The following GRM7 variants were observed in gnomAD, a reference collection of about 807,000 sequenced individuals.
GRM7 encodes metabotropic glutamate receptor 7.
Under a neutral mutation model 84.5 loss-of-function variants are expected in GRM7, and 35 were observed. That is an observed-to-expected ratio of 0.41 (90% CI 0.32 to 0.55). GRM7 has a LOEUF of 0.55. GRM7 is among the 20% of genes least tolerant of loss of function. The probability of loss-of-function intolerance (pLI) is 0.19; values close to 1 mark genes in which losing one functional copy is unlikely to be tolerated. For synonymous variants in GRM7, 487 were observed against 455.1 expected (o/e 1.07, Z -0.89); for missense variants, 1,003 against 1,194.6 (o/e 0.84, Z 2.36).
intron 1 of GRM7, among the ~76,000 whole-genome samples, chr3:7,139,108 ATATACTATATAT>A (rs1269188565): frequency 6.8e-6 from 1 of 147,664 alleles, no homozygotes; most frequent in Non-Finnish European, 1.5e-5. Context: ...CTATAATATA[ATATACTATATAT>A]TATACTATAT....
intron 1 of GRM7, among the ~76,000 whole-genome samples, chr3:6,967,571 A>G (rs1693574088): frequency 6.6e-6 from 1 of 152,222 alleles, no homozygotes; most frequent in Non-Finnish European, 1.5e-5. Flanking sequence ...AGTTGGGATG[A>G]GTTTATGTAA....
intron 9 of GRM7, among the ~76,000 whole-genome samples, chr3:7,710,962 T>A (rs1701558137): frequency 6.6e-6 from 1 of 152,178 alleles, no homozygotes; most frequent in Non-Finnish European, 1.5e-5. Flanking sequence ...TCTCTGATCT[T>A]AACTGCCTAA....
chr3:7,448,722 C>G (rs1017282664), intron 5 of GRM7, among the ~76,000 whole-genome samples: 3 of 151,906 alleles, frequency 2.0e-5, no homozygotes, highest in African/African-American at 4.8e-5. Context: ...CTTCTCAGAG[C>G]CTTTAATATG....
chr3:7,365,647 G>GTGTATA (rs1490998013), intron 4 of GRM7, among the ~76,000 whole-genome samples: 2 of 130,056 alleles, frequency 1.5e-5, no homozygotes, highest in African/African-American at 5.6e-5. Context: ...GTGCGTGTGT[G>GTGTATA]TATATATATA....
chr3:7,037,577 A>G (rs1167191504), intron 1 of GRM7, among the ~76,000 whole-genome samples: 3 of 152,176 alleles, frequency 2.0e-5, no homozygotes, highest in Admixed American at 1.3e-4. Flanking sequence ...GTGCTTTTCT[A>G]CAGAGATATA....
chr3:7,256,000 C>G (rs1390806209), intron 2 of GRM7, among the ~76,000 whole-genome samples: 1 of 152,154 alleles, frequency 6.6e-6, no homozygotes, highest in Non-Finnish European at 1.5e-5. Flanking sequence ...GCCCACAGTC[C>G]TGAGGCAAAT....
intron 1 of GRM7, among the ~76,000 whole-genome samples, chr3:7,074,374 T>A (rs1419006887): frequency 1.3e-5 from 2 of 152,162 alleles, no homozygotes; most frequent in African/African-American, 4.8e-5. Flanking sequence ...GAGACAGGAA[T>A]GGAAACATTC....
chr3:6,963,512 CA>C (rs1404851003), intron 1 of GRM7, among the ~76,000 whole-genome samples: 1 of 152,154 alleles, frequency 6.6e-6, no homozygotes, highest in Non-Finnish European at 1.5e-5. Context: ...GTAGTCCCAG[CA>C]ACTTTGGGGG....
At chr3:7,112,014 TTGA>T (rs1692870061) in intron 1 of GRM7, among the ~76,000 whole-genome samples, 1 of 152,056 alleles carries the variant, frequency 6.6e-6, no homozygotes, top group East Asian at 1.9e-4. Context: ...AAGGCAATAA[TTGA>T]TGAAGTTGGA....
chr3:7,146,069 A>C (rs955689438), intron 1 of GRM7, among the ~76,000 whole-genome samples: 1 of 152,180 alleles, frequency 6.6e-6, no homozygotes, highest in Admixed American at 6.5e-5. Context: ...ACCAATCTTT[A>C]TATACACTCC....
At chr3:7,147,529 C>A (rs1574960954) in intron 2 of GRM7, among the ~76,000 whole-genome samples, 1 of 152,132 alleles carries the variant, frequency 6.6e-6, no homozygotes, top group East Asian at 1.9e-4. Context: ...TAAAAGCAAA[C>A]AAACAAGCAA....
At chr3:7,275,514 C>T (rs1382991281) in intron 2 of GRM7, among the ~76,000 whole-genome samples, 2 of 152,110 alleles carry the variant, frequency 1.3e-5, no homozygotes, top group African/African-American at 4.8e-5. Flanking sequence ...TTCATGCATA[C>T]CTCTCCATTA....
intron 2 of GRM7, among the ~76,000 whole-genome samples, chr3:7,247,389 T>A (rs1387340522): frequency 6.6e-6 from 1 of 151,596 alleles, no homozygotes; most frequent in Non-Finnish European, 1.5e-5. Context: ...TTGGGCAAAA[T>A]GTGAGACCCC....
At chr3:7,422,529 G>A (rs574765688) in intron 5 of GRM7, among the ~76,000 whole-genome samples, 67 of 152,198 alleles carry the variant, frequency 4.4e-4, no homozygotes, top group African/African-American at 1.5e-3. Flanking sequence ...TACATATCCC[G>A]TTAGTTTCTC....
intron 4 of GRM7, among the ~76,000 whole-genome samples, chr3:7,351,382 A>G (rs1268348723): frequency 6.7e-6 from 1 of 148,314 alleles, no homozygotes; most frequent in Non-Finnish European, 1.5e-5. Flanking sequence ...TTATAAACTG[A>G]CCCAACCCTC....
intron 4 of GRM7, among the ~76,000 whole-genome samples, chr3:7,387,125 T>C (rs1694815622): frequency 6.6e-6 from 1 of 152,184 alleles, no homozygotes; most frequent in Non-Finnish European, 1.5e-5. Context: ...AAGGTCACCA[T>C]TTAATGGTTA....
At position 7,437,452 on chromosome 3, in the gene GRM7, G is replaced by T. The variant is rs180791749; in HGVS notation, c.1175-15155G>T. Among the ~76,000 whole-genome samples the T allele has an allele frequency of 6.6e-5, 10 of 152,162 alleles. No homozygotes were observed. The East Asian group carries it at 1.9e-3, about 29-fold the overall frequency. On this transcript the variant is annotated intron_variant, in intron 5 of 9. Coordinates refer to ENST00000357716, the MANE Select transcript of GRM7 (RefSeq NM_000844.4). ...GGAACAGATAATCCTCACTGCTACC[G>T]CTGCAGTCCAAGACATCCTCACCAC...
chr3:7,155,187 G>T (rs1694409598), intron 2 of GRM7, among the ~76,000 whole-genome samples: 1 of 152,110 alleles, frequency 6.6e-6, no homozygotes, highest in Non-Finnish European at 1.5e-5. Flanking sequence ...GTGAACTAGT[G>T]ACTCATGGCA....
chr3:6,930,798 G>T (rs1243572704), intron 1 of GRM7, among the ~76,000 whole-genome samples: 1 of 152,184 alleles, frequency 6.6e-6, no homozygotes. Context: ...CTTGCAGATA[G>T]TCTCATTTTC....
Sources: allele counts gnomAD v4.1 joint callset (sites outside exome capture counted in the v4.1 genomes callset), GRCh38; gene constraint gnomAD v4.1.1; transcripts MANE v1.5; gene names NCBI Gene and HGNC (gene_info 2026-07-23, HGNC 2026-07-21).